ADARB2: variants seen among roughly 807,000 people sequenced by gnomAD.
The protein encoded by ADARB2 is adenosine deaminase RNA specific B2 (inactive), also known as inactive double-stranded RNA-specific editase B2.
ADARB2 carries 25 observed loss-of-function variants against 62.2 expected under a neutral mutation model. The ratio of observed to expected loss-of-function variants is 0.40; its 90% CI spans 0.29 to 0.56. The LOEUF (loss-of-function observed/expected upper bound fraction) is 0.56. Among genes scored for constraint, ADARB2 ranks in the 20% least tolerant of loss-of-function variants. ADARB2 has a pLI of 0.43. For missense variants in ADARB2, 1,071 were observed against 1,077.4 expected (o/e 0.99, Z 0.08); for synonymous variants, 572 against 500.8 (o/e 1.14, Z -1.90).
rs1831466817 is a variant in ADARB2 at position 1,481,265 on chromosome 10, A to T, written c.101-102105T>A. 2.0e-5 allele frequency among the ~76,000 whole-genome samples: 3 copies of T among 152,206 alleles called. No homozygotes were observed. In the South Asian group the frequency reaches 6.2e-4, roughly 32 times the overall value. On this transcript the variant is annotated intron_variant, in intron 1 of 9. Transcript: ENST00000381312. ...CTGGGAAAACTGAATATTCACATGT[A>T]AAAAAGAGTGAAGTAACACCAGCTG...
At chr10:1,674,151 G>C (rs767069221) in intron 1 of ADARB2, among the ~76,000 whole-genome samples, 2 of 152,244 alleles carry the variant, frequency 1.3e-5, no homozygotes, top group East Asian at 3.8e-4. Context: ...AATCAGCCCT[G>C]TGCAGAGTGC....
At chr10:1,692,508 G>T (rs75396517) in intron 1 of ADARB2, among the ~76,000 whole-genome samples, 6,211 of 152,194 alleles carry the variant, frequency 0.041, 234 homozygotes, top group African/African-American at 0.1. Flanking sequence ...GATAGTTTTT[G>T]CTCAAGGCAT....
chr10:1,518,962 G>A (rs904808901), intron 1 of ADARB2, among the ~76,000 whole-genome samples: 1 of 151,784 alleles, frequency 6.6e-6, no homozygotes, highest in Non-Finnish European at 1.5e-5. Context: ...TGCATTCCAC[G>A]TAACGTCTGC....
chr10:1,643,699 C>T (rs1195859737), intron 1 of ADARB2, among the ~76,000 whole-genome samples: 1 of 152,198 alleles, frequency 6.6e-6, no homozygotes, highest in Non-Finnish European at 1.5e-5. Context: ...GCTTCATGAC[C>T]ACAAAGGTCC....
intron 4 of ADARB2, among the ~76,000 whole-genome samples, chr10:1,244,363 C>T (rs966565547): frequency 8.5e-5 from 13 of 152,256 alleles, no homozygotes; most frequent in African/African-American, 2.9e-4. Context: ...ACGACCGGTG[C>T]GCATGCAGTC....
chr10:1,580,321 G>A (rs951590739), intron 1 of ADARB2, among the ~76,000 whole-genome samples: 10 of 152,116 alleles, frequency 6.6e-5, no homozygotes, highest in Admixed American at 2.0e-4. Flanking sequence ...TGTTCATGAA[G>A]TCTCAACATC....
At chr10:1,673,248 C>A (rs1834414748) in intron 1 of ADARB2, among the ~76,000 whole-genome samples, 1 of 151,600 alleles carries the variant, frequency 6.6e-6, no homozygotes, top group East Asian at 1.9e-4. Flanking sequence ...AGTGAATATA[C>A]ATGTATATGT....
intron 3 of ADARB2, chr10:1,290,779 G>A (rs192998334): frequency 1.2e-4 from 19 of 152,294 alleles, no homozygotes; most frequent in East Asian, 9.6e-4. Flanking sequence ...ACACATTAAC[G>A]GTAGTTACTG....
chr10:1,399,259 G>T (rs958821092), intron 1 of ADARB2, among the ~76,000 whole-genome samples: 1 of 152,124 alleles, frequency 6.6e-6, no homozygotes, highest in African/African-American at 2.4e-5. Flanking sequence ...GTAACAAGGA[G>T]AAACCACCTC....
At chr10:1,303,715 A>C (rs1406869422) in intron 3 of ADARB2, among the ~76,000 whole-genome samples, 119 of 147,822 alleles carry the variant, frequency 8.1e-4, no homozygotes, top group African/African-American at 2.0e-3. Flanking sequence ...GAGAGTGGGG[A>C]CCAATATTCA....
At chr10:1,191,825 C>A (rs1836849302) in intron 8 of ADARB2, among the ~76,000 whole-genome samples, 1 of 152,162 alleles carries the variant, frequency 6.6e-6, no homozygotes, top group Non-Finnish European at 1.5e-5. Flanking sequence ...TAAACACACA[C>A]AATCGTGTTA....
At chr10:1,412,141 C>G (rs1300800575) in intron 1 of ADARB2, among the ~76,000 whole-genome samples, 1 of 152,104 alleles carries the variant, frequency 6.6e-6, no homozygotes, top group African/African-American at 2.4e-5. Flanking sequence ...TTGTCAAGGG[C>G]CCTTTTCTCC....
intron 1 of ADARB2, among the ~76,000 whole-genome samples, chr10:1,610,425 G>T (rs1358956368): frequency 6.6e-6 from 1 of 152,190 alleles, no homozygotes; most frequent in Non-Finnish European, 1.5e-5. Flanking sequence ...TCTTTGCAAA[G>T]ACAGAAAAAG....
chr10:1,539,008 C>T (rs1452799881), intron 1 of ADARB2, among the ~76,000 whole-genome samples: 1 of 152,170 alleles, frequency 6.6e-6, no homozygotes, highest in Non-Finnish European at 1.5e-5. Flanking sequence ...CCAGAGAGGG[C>T]AGAGACCTGC....
At chr10:1,203,420 G>A (rs1381432079) in intron 7 of ADARB2, among the ~76,000 whole-genome samples, 1 of 152,258 alleles carries the variant, frequency 6.6e-6, no homozygotes, top group Non-Finnish European at 1.5e-5. Context: ...GCCCTTGCCT[G>A]TTTTGGACGC....
chr10:1,372,084 A>T (rs1055835170), intron 2 of ADARB2, among the ~76,000 whole-genome samples: 2 of 152,240 alleles, frequency 1.3e-5, no homozygotes, highest in African/African-American at 4.8e-5. Context: ...ACAGTGGATG[A>T]ATAAAGAAAA....
chr10:1,680,086 C>A (rs955080856), intron 1 of ADARB2, among the ~76,000 whole-genome samples: 17 of 152,024 alleles, frequency 1.1e-4, no homozygotes, highest in Non-Finnish European at 2.2e-4. Flanking sequence ...CATTCCCCTA[C>A]ATATTCTTTC....
In ADARB2 at chr10:1,337,379, C is replaced by A. The variant is rs575528899; in HGVS notation, c.1077+25649G>T. On this transcript the variant is annotated intron_variant, in intron 3 of 9. Transcript: ENST00000381312. The stretch of plus-strand genomic sequence containing the variant: ...AGATGGCAGGCTGGGCTCAACTACA[C>A]CAAATGCTGGGCATCCCACTGAGTA... Among the ~76,000 whole-genome samples the A allele has an allele frequency of 7.9e-4, 121 of 152,252 alleles. No homozygotes were observed. The Middle Eastern group carries it at 0.014, about 17-fold the overall frequency.
intron 3 of ADARB2, among the ~76,000 whole-genome samples, chr10:1,325,169 A>G (rs1831832999): frequency 6.6e-6 from 1 of 152,232 alleles, no homozygotes; most frequent in African/African-American, 2.4e-5. Flanking sequence ...CAAAGGACCC[A>G]GCCTGACATG....
Sources: allele counts gnomAD v4.1 joint callset (sites outside exome capture counted in the v4.1 genomes callset), GRCh38; gene constraint gnomAD v4.1.1; transcripts MANE v1.5; gene names NCBI Gene and HGNC (gene_info 2026-07-23, HGNC 2026-07-21).